ZBTB20: variants seen among roughly 807,000 people sequenced by gnomAD.
ZBTB20 encodes the protein zinc finger and BTB domain containing 20, also known as zinc finger and BTB domain-containing protein 20.
ZBTB20 carries 9 observed loss-of-function variants against 56.9 expected under a neutral mutation model. The ratio of observed to expected loss-of-function variants is 0.16; its 90% CI spans 0.10 to 0.28. The LOEUF (loss-of-function observed/expected upper bound fraction) is 0.28, where lower values mean the gene tolerates loss of function less well. ZBTB20 is among the 10% of genes least tolerant of loss of function. The probability of loss-of-function intolerance (pLI) is 1.00; values close to 1 mark genes in which losing one functional copy is unlikely to be tolerated. For synonymous variants in ZBTB20, 417 were observed against 420.7 expected, an observed-to-expected ratio of 0.99 and a Z score of 0.11; for missense variants, 655 against 1,003.0, an observed-to-expected ratio of 0.65 and a Z score of 4.69.
At chr3:114,479,912 T>G (rs1048283915) in intron 7 of ZBTB20, among the ~76,000 whole-genome samples, 1 of 152,294 alleles carries the variant, frequency 6.6e-6, no homozygotes, top group Non-Finnish European at 1.5e-5. Flanking sequence ...CAAATACCCA[T>G]AGGCTTTTCA....
At chr3:114,548,089 C>A (rs1023231026) in intron 6 of ZBTB20, among the ~76,000 whole-genome samples, 1 of 152,200 alleles carries the variant, frequency 6.6e-6, no homozygotes, top group African/African-American at 2.4e-5. Context: ...CAGATCAGTC[C>A]TGATAGAAGG....
intron 7 of ZBTB20, among the ~76,000 whole-genome samples, chr3:114,432,832 G>A (rs2090218439): frequency 6.6e-6 from 1 of 152,164 alleles, no homozygotes; most frequent in South Asian, 2.1e-4. Flanking sequence ...GAGTAATGGT[G>A]AAGCTTTTGT....
intron 5 of ZBTB20, among the ~76,000 whole-genome samples, chr3:114,769,552 CAT>C (rs6148023): frequency 0.013 from 1,538 of 115,716 alleles, 10 homozygotes; most frequent in African/African-American, 0.033. Context: ...TGCCAAAATG[CAT>C]ATATATATAT....
chr3:114,905,778 C>T (rs907338388), intron 3 of ZBTB20, among the ~76,000 whole-genome samples: 2 of 151,816 alleles, frequency 1.3e-5, no homozygotes, highest in African/African-American at 4.8e-5. Context: ...CAAATGTTAA[C>T]ACCAGGTTAG....
At chr3:114,424,307 G>A (rs552222985) in intron 7 of ZBTB20, among the ~76,000 whole-genome samples, 2 of 152,192 alleles carry the variant, frequency 1.3e-5, no homozygotes, top group South Asian at 2.1e-4. Flanking sequence ...AACTCATCTC[G>A]CAGGGAAACT....
chr3:114,493,740 T>C (rs922980739), intron 7 of ZBTB20, among the ~76,000 whole-genome samples: 2 of 152,242 alleles, frequency 1.3e-5, no homozygotes, highest in Non-Finnish European at 2.9e-5. Context: ...TCTTCTTTTA[T>C]TTGCCCTTAG....
intron 2 of ZBTB20, among the ~76,000 whole-genome samples, chr3:115,029,665 G>A (rs2080582913): frequency 6.6e-6 from 1 of 150,650 alleles, no homozygotes; most frequent in South Asian, 2.1e-4. Context: ...TCAATTGATG[G>A]TGCTGAGACA....
chr3:114,590,445 T>G (rs1286410325), intron 6 of ZBTB20, among the ~76,000 whole-genome samples: 1 of 151,518 alleles, frequency 6.6e-6, no homozygotes, highest in Non-Finnish European at 1.5e-5. Flanking sequence ...GGCGAAAGAC[T>G]GAGACTCCGT....
Position 114,431,796 on chromosome 3 carries a change from T to A in ZBTB20, c.-254-42691A>T, listed in dbSNP as rs535102250. ...AGGTAAAAACAGCATTGACAGCTAC[T>A]GCAGTTTGGTCTGTTTAACAGACCA... On this transcript the variant is annotated intron_variant, in intron 7 of 11. Coordinates refer to ENST00000675478, the MANE Select transcript of ZBTB20 (RefSeq NM_001348800.3). Among the ~76,000 whole-genome samples, 3 of 152,324 alleles carry A rather than the reference T, an allele frequency of 2.0e-5. No homozygotes were observed. The South Asian group carries it at 6.2e-4, about 32-fold the overall frequency.
At chr3:115,045,006 TTAA>T (rs1021463323) in intron 2 of ZBTB20, among the ~76,000 whole-genome samples, 2 of 152,164 alleles carry the variant, frequency 1.3e-5, no homozygotes, top group Non-Finnish European at 2.9e-5. Flanking sequence ...AGAACACTCT[TTAA>T]ACATCAATCG....
At chr3:115,131,954 G>T in intron 1 of ZBTB20, among the ~76,000 whole-genome samples, 1 of 151,992 alleles carries the variant, frequency 6.6e-6, no homozygotes, top group Non-Finnish European at 1.5e-5. Flanking sequence ...AGCTGACTTT[G>T]TAATATGTTC....
At chr3:115,019,558 C>T (rs778563685) in intron 2 of ZBTB20, among the ~76,000 whole-genome samples, 3 of 151,196 alleles carry the variant, frequency 2.0e-5, no homozygotes, top group Non-Finnish European at 3.0e-5. Flanking sequence ...GAAAAATTAG[C>T]GGACATCTAA....
chr3:114,891,419 T>C (rs1342659975), intron 4 of ZBTB20, among the ~76,000 whole-genome samples: 2 of 152,364 alleles, frequency 1.3e-5, no homozygotes, highest in South Asian at 2.1e-4. Flanking sequence ...GATTCTTGCA[T>C]GTAATACTTC....
intron 1 of ZBTB20, among the ~76,000 whole-genome samples, chr3:115,124,231 T>C (rs2084261054): frequency 6.6e-6 from 1 of 152,208 alleles, no homozygotes; most frequent in African/African-American, 2.4e-5. Context: ...ATTAAGAAAT[T>C]ATGATATCAA....
At chr3:114,798,293 G>A (rs1180861996) in intron 5 of ZBTB20, among the ~76,000 whole-genome samples, 5 of 150,640 alleles carry the variant, frequency 3.3e-5, no homozygotes, top group Non-Finnish European at 7.4e-5. Flanking sequence ...GCCTCTACAG[G>A]ACTCGTTGCT....
At chr3:114,350,160 T>C (rs1344991949) in intron 11 of ZBTB20, 114 bp downstream of exon 11, 1 of 1,432,176 alleles carries the variant, frequency 7.0e-7, no homozygotes, top group Non-Finnish European at 9.4e-7. Context: ...TGGTGGGGTC[T>C]GTTTAAAATC....
chr3:114,339,050 G>C lies in ZBTB20; in HGVS notation c.2181C>G (p.Ile727Met), dbSNP rs539937857. 1 of 1,543,988 alleles carries C rather than the reference G, an allele frequency of 6.5e-7. No individual in the cohort carries two copies. The change falls in exon 12 of 12, where the codon ATC (isoleucine) becomes ATG (methionine). Residue 727 changes from isoleucine (I) to methionine (M), a missense_variant. Coordinates refer to ENST00000675478, the MANE Select transcript of ZBTB20 (RefSeq NM_001348800.3). This position sits in a 1 kb window ranked among gnomAD's most constrained non-coding sequence, Gnocchi z 4.2. ...TCCTCATGTGGTCGTTGAACTGCTC[G>C]ATTTGGTCAAACTTTGCTGGGCAGA... Reference protein sequence around the residue: ...CSVCPAKFDQIEQFNDHMRMH... With the variant: ...CSVCPAKFDQMEQFNDHMRMH...
intron 7 of ZBTB20, among the ~76,000 whole-genome samples, chr3:114,478,767 G>T (rs2041169705): frequency 6.6e-6 from 1 of 152,126 alleles, no homozygotes; most frequent in Non-Finnish European, 1.5e-5. Context: ...TCTGAAAAAG[G>T]TGGTTTTCTA....
chr3:114,470,339 C>T (rs2039985526), intron 7 of ZBTB20, among the ~76,000 whole-genome samples: 1 of 152,050 alleles, frequency 6.6e-6, no homozygotes, highest in Non-Finnish European at 1.5e-5. Flanking sequence ...TCTGAATATA[C>T]TTAGTGGAAA....
Sources: allele counts gnomAD v4.1 joint callset (sites outside exome capture counted in the v4.1 genomes callset), GRCh38; gene constraint gnomAD v4.1.1; non-coding constraint Gnocchi (gnomAD v3.1); transcripts MANE v1.5; gene names NCBI Gene and HGNC (gene_info 2026-07-23, HGNC 2026-07-21).